The following ALK variants were observed in gnomAD, a reference collection of about 807,000 sequenced individuals.
ALK encodes the protein ALK receptor tyrosine kinase.
In ALK, 74 loss-of-function variants were observed where a neutral mutation model predicts 163.1. The ratio of observed to expected loss-of-function variants is 0.45; its 90% CI spans 0.38 to 0.55. The LOEUF (loss-of-function observed/expected upper bound fraction) is 0.55. Among genes scored for constraint, ALK ranks in the 20% least tolerant of loss-of-function variants. ALK has a pLI of 0.00. For missense variants in ALK, 2,063 were observed against 2,105.3 expected (o/e 0.98, Z 0.39); for synonymous variants, 960 against 843.2 (o/e 1.14, Z -2.40).
chr2:29,547,672 A>G (rs1673592097), intron 3 of ALK, among the ~76,000 whole-genome samples: 1 of 152,204 alleles, frequency 6.6e-6, no homozygotes, highest in Non-Finnish European at 1.5e-5. Flanking sequence ...GGTGGATTTC[A>G]TAGGCTGGCT....
At chr2:29,899,718 C>G (rs1451110858) in intron 1 of ALK, 5 of 151,802 alleles carry the variant, frequency 3.3e-5, no homozygotes, top group Non-Finnish European at 7.3e-5. Context: ...CCCAGCTACT[C>G]AGGAGGCTGA....
intron 3 of ALK, among the ~76,000 whole-genome samples, chr2:29,563,917 C>T (rs1332748451): frequency 6.6e-6 from 1 of 152,196 alleles, no homozygotes; most frequent in Admixed American, 6.5e-5. Flanking sequence ...CCCTTTTAGA[C>T]TCCTGCTGAT....
intron 4 of ALK, among the ~76,000 whole-genome samples, chr2:29,512,175 A>G (rs1163083646): frequency 6.6e-6 from 1 of 152,158 alleles, no homozygotes; most frequent in Non-Finnish European, 1.5e-5. Flanking sequence ...TATTCCAGAA[A>G]TGTTATAATA....
intron 3 of ALK, among the ~76,000 whole-genome samples, chr2:29,581,165 G>A (rs1056099267): frequency 1.6e-4 from 24 of 152,104 alleles, no homozygotes; most frequent in African/African-American, 4.6e-4. Context: ...CAAGGTGGGC[G>A]GATCACGAGA....
chr2:29,830,515 C>T (rs1665337352), intron 1 of ALK, among the ~76,000 whole-genome samples: 1 of 151,920 alleles, frequency 6.6e-6, no homozygotes, highest in Non-Finnish European at 1.5e-5. Context: ...AGGGCTAAGA[C>T]CCTTGCTATT....
intron 5 of ALK, among the ~76,000 whole-genome samples, chr2:29,344,484 G>C (rs753790191): frequency 1.8e-4 from 27 of 152,230 alleles, no homozygotes; most frequent in Non-Finnish European, 2.6e-4. Flanking sequence ...CCATGCTAGA[G>C]AGGTCAGGTG....
chr2:29,411,431 A>T (rs1412944665), intron 4 of ALK, among the ~76,000 whole-genome samples: 1 of 125,168 alleles, frequency 8.0e-6, no homozygotes, highest in Non-Finnish European at 2.0e-5. Context: ...TCTCTATTAA[A>T]AAAAAAAAAC....
At chr2:29,477,051 G>C (rs1276060018) in intron 4 of ALK, among the ~76,000 whole-genome samples, 1 of 152,164 alleles carries the variant, frequency 6.6e-6, no homozygotes, top group Non-Finnish European at 1.5e-5. Flanking sequence ...ATGTAGACTA[G>C]GGACACCCAG....
At chr2:29,492,122 G>A (rs1671917477) in intron 4 of ALK, among the ~76,000 whole-genome samples, 1 of 152,078 alleles carries the variant, frequency 6.6e-6, no homozygotes, top group African/African-American at 2.4e-5. Context: ...CAAAGAATAT[G>A]CCATGGTTAC....
At chr2:29,608,807 A>G (rs2148219888) in intron 3 of ALK, among the ~76,000 whole-genome samples, 1 of 152,186 alleles carries the variant, frequency 6.6e-6, no homozygotes, top group Non-Finnish European at 1.5e-5. Flanking sequence ...TTTACCCTTC[A>G]CATTTAAGGC....
Position 29,625,563 on chromosome 2 carries a change from A to C in ALK, c.952+69287T>G, listed in dbSNP as rs564487884. ...GAACCAAGCAGTAAGTAGTGTAGAC[A>C]TGTGTCCCTTAATGAAGGGGTTGCG... On this transcript the variant is annotated intron_variant, in intron 3 of 28. Transcript: ENST00000389048. Among the ~76,000 whole-genome samples the C allele has an allele frequency of 6.6e-5, 10 of 152,308 alleles. No individual in the cohort carries two copies. In the South Asian group the frequency reaches 2.1e-3, roughly 32 times the overall value.
intron 1 of ALK, among the ~76,000 whole-genome samples, chr2:29,849,157 C>T (rs781269174): frequency 2.0e-5 from 3 of 152,208 alleles, no homozygotes; most frequent in Admixed American, 6.5e-5. Context: ...ACTCGGGCCC[C>T]TCCTCCTCAG....
intron 5 of ALK, among the ~76,000 whole-genome samples, chr2:29,352,040 G>A (rs1346278126): frequency 6.6e-6 from 1 of 152,184 alleles, no homozygotes; most frequent in Non-Finnish European, 1.5e-5. Flanking sequence ...AGGAGTAGGA[G>A]ATGATGACCA....
intron 1 of ALK, among the ~76,000 whole-genome samples, chr2:29,809,377 T>G (rs1190322754): frequency 6.6e-6 from 1 of 152,224 alleles, no homozygotes; most frequent in Admixed American, 6.5e-5. Flanking sequence ...TTTCTGAATG[T>G]CATCCTAATA....
intron 5 of ALK, among the ~76,000 whole-genome samples, chr2:29,330,983 G>A (rs780902324): frequency 6.6e-6 from 1 of 152,172 alleles, no homozygotes. Flanking sequence ...TATTACGTTC[G>A]TGGTAGTTTT....
In ALK at chr2:29,228,943, C is replaced by T; in HGVS notation, c.2756G>A (p.Gly919Glu). Residue 919 changes from glycine (G) to glutamate (E), a missense_variant, in exon 16 of 29, where the codon GGG becomes GAG. Around this residue, in one of 5 missense-constraint regions of ALK, gnomAD observed 575 missense variants for 626.6 expected, o/e 0.92. Coordinates refer to ENST00000389048, the MANE Select transcript of ALK (RefSeq NM_004304.5). ...AMKKWGWETR[G>E]GFGGGGGGCS... ...CCCCCCTCCACCCCCTCCGAAACCCCCTCTTGTCTCCCACCCCCACTTCTT... is the reference window on the plus strand; with the variant it reads ...CCCCCCTCCACCCCCTCCGAAACCCTCTCTTGTCTCCCACCCCCACTTCTT... 6.3e-7 allele frequency: 1 copy of T among 1,575,964 alleles called. No homozygotes were observed. Among genetic ancestry groups the T allele is most frequent in the Non-Finnish European group, 8.7e-7 (1 of 1,145,602 alleles).
intron 1 of ALK, among the ~76,000 whole-genome samples, chr2:29,756,507 AC>A (rs1680535362): frequency 6.6e-6 from 1 of 150,682 alleles, no homozygotes; most frequent in Non-Finnish European, 1.5e-5. Flanking sequence ...TTAGCAAAGT[AC>A]AGTAGATCAT....
At chr2:29,314,269 G>T (rs879527963) in intron 8 of ALK, among the ~76,000 whole-genome samples, 8 of 152,148 alleles carry the variant, frequency 5.3e-5, no homozygotes, top group Admixed American at 1.3e-4. Flanking sequence ...ATCCCTCTGG[G>T]CTACATTTGC....
intron 4 of ALK, among the ~76,000 whole-genome samples, chr2:29,467,850 T>C (rs1671249938): frequency 6.6e-6 from 1 of 152,206 alleles, no homozygotes; most frequent in South Asian, 2.1e-4. Context: ...TTTATTTTAG[T>C]TTTGGTAAAT....
Sources: allele counts gnomAD v4.1 joint callset (sites outside exome capture counted in the v4.1 genomes callset), GRCh38; gene constraint gnomAD v4.1.1; regional missense constraint gnomAD v4.1.1; transcripts MANE v1.5; gene names NCBI Gene and HGNC (gene_info 2026-07-23, HGNC 2026-07-21).